The following ZC2HC1A variants were observed in gnomAD, a reference collection of about 807,000 sequenced individuals.
The protein encoded by ZC2HC1A is zinc finger C2HC-type containing 1A.
Under a neutral mutation model 40.7 loss-of-function variants are expected in ZC2HC1A, and 28 were observed. That is an observed-to-expected ratio of 0.69 (90% CI 0.51 to 0.94). The LOEUF is 0.94. Ranked by LOEUF, ZC2HC1A falls within the 40% of genes least tolerant of loss-of-function variation. ZC2HC1A has a pLI of 0.00. For missense variants in ZC2HC1A, 389 were observed against 386.3 expected, an observed-to-expected ratio of 1.01 and a Z score of -0.06; for synonymous variants, 129 against 129.2, an observed-to-expected ratio of 1.00 and a Z score of 0.01.
intron 5 of ZC2HC1A, 122 bp downstream of exon 5, chr8:78,689,495 G>A (rs747785278): frequency 2.4e-6 from 2 of 824,704 alleles, no homozygotes; most frequent in East Asian, 3.2e-5. Context: ...TAGATATATA[G>A]TTTTATATAT....
intron 3 of ZC2HC1A, among the ~76,000 whole-genome samples, chr8:78,685,724 A>G (rs1585992371): frequency 6.6e-6 from 1 of 152,148 alleles, no homozygotes; most frequent in Non-Finnish European, 1.5e-5. Context: ...AGTGAGGACT[A>G]TTTTTCATAT....
intron 1 of ZC2HC1A, among the ~76,000 whole-genome samples, chr8:78,668,990 C>G (rs1322043127): frequency 6.6e-6 from 1 of 152,126 alleles, no homozygotes; most frequent in Admixed American, 6.5e-5. Context: ...ATTATTAGAT[C>G]TTAGTACTGC....
chr8:78,667,110 T>G (rs1449562794), intron 1 of ZC2HC1A, among the ~76,000 whole-genome samples: 1 of 152,176 alleles, frequency 6.6e-6, no homozygotes, highest in Non-Finnish European at 1.5e-5. Context: ...AGCTTTTGAG[T>G]CTTGTGTATT....
chr8:78,715,526 C>T (rs1811074558), intron 8 of ZC2HC1A, among the ~76,000 whole-genome samples, 198 bp downstream of exon 8: 1 of 152,160 alleles, frequency 6.6e-6, no homozygotes, highest in Non-Finnish European at 1.5e-5. Context: ...ATTAACCCTT[C>T]TACATGCCAC....
chr8:78,666,748 T>C (rs1443039230), intron 1 of ZC2HC1A, among the ~76,000 whole-genome samples: 1 of 152,166 alleles, frequency 6.6e-6, no homozygotes, highest in East Asian at 1.9e-4. Flanking sequence ...ACCCGGAGGA[T>C]TTGATGACTT....
intron 4 of ZC2HC1A, among the ~76,000 whole-genome samples, chr8:78,688,569 AT>A (rs1364934653): frequency 6.6e-6 from 1 of 152,178 alleles, no homozygotes; most frequent in Admixed American, 6.5e-5. Context: ...TTATTTTACA[AT>A]GCTACAAAAT....
At position 78,672,355 on chromosome 8, in the gene ZC2HC1A, A is replaced by T. The variant is rs1053787445; in HGVS notation, c.17-3432A>T. Among the ~76,000 whole-genome samples, 3 of 152,158 alleles carry T rather than the reference A, an allele frequency of 2.0e-5. No homozygotes were observed. The East Asian group carries it at 5.8e-4, about 29-fold the overall frequency. On this transcript the variant is annotated intron_variant, in intron 1 of 8. Coordinates refer to ENST00000263849, the MANE Select transcript of ZC2HC1A (RefSeq NM_016010.3). ...TCAGAATATTTTAACCCCTTGGTCC[A>T]ATTAATCTTAATATAAGTATCATAT...
At chr8:78,716,105 G>GT (rs1417322399) in intron 8 of ZC2HC1A, among the ~76,000 whole-genome samples, 32 of 145,646 alleles carry the variant, frequency 2.2e-4, no homozygotes, top group African/African-American at 3.5e-4. Flanking sequence ...CTTTATTACT[G>GT]TTTTTTTTTG....
intron 8 of ZC2HC1A, among the ~76,000 whole-genome samples, chr8:78,716,931 CTTCCCCT>C (rs1811125761): frequency 1.3e-5 from 2 of 152,086 alleles, no homozygotes; most frequent in Admixed American, 6.5e-5. Context: ...GACATGCTTG[CTTCCCCT>C]TTGCCTTCTG....
chr8:78,694,285 TG>T (rs1187270301), intron 5 of ZC2HC1A, among the ~76,000 whole-genome samples: 6 of 70,154 alleles, frequency 8.6e-5, no homozygotes, highest in African/African-American at 1.1e-4. Context: ...ATATGTTCCT[TG>T]TTTTTTTTTT....
At position 78,667,896 on chromosome 8, in the gene ZC2HC1A, TCCAGCTTATGATGTTATAGGGC is replaced by T. The variant is rs1423655079; in HGVS notation, c.16+1749_16+1770del. Among the ~76,000 whole-genome samples, 5 of 152,042 alleles carry T rather than the reference TCCAGCTTATGATGTTATAGGGC, an allele frequency of 3.3e-5. No individual in the cohort carries two copies. The East Asian group carries it at 7.7e-4, about 23-fold the overall frequency. The stretch of plus-strand genomic sequence containing the variant: ...TGTATTTATAGGCATATTTTATGGG[TCCAGCTTATGATGTTATAGGGC>T]CCAGCTTATGATGTTAATAGTGCTT... On this transcript the variant is annotated intron_variant, in intron 1 of 8. Coordinates refer to ENST00000263849, the MANE Select transcript of ZC2HC1A (RefSeq NM_016010.3).
chr8:78,681,901 C>CTTTTTTTTT (rs56181953), intron 3 of ZC2HC1A, among the ~76,000 whole-genome samples: 77 of 126,412 alleles, frequency 6.1e-4, no homozygotes, highest in East Asian at 1.2e-3. Flanking sequence ...CTTTTTCTTT[C>CTTTTTTTTT]TTTTTTTTTT....
chr8:78,687,746 C>A (rs1398567427), intron 4 of ZC2HC1A, among the ~76,000 whole-genome samples: 34 of 64,082 alleles, frequency 5.3e-4, no homozygotes, highest in Non-Finnish European at 6.3e-4. Flanking sequence ...TTATGTAATA[C>A]ATTATATATA....
rs193182004 is a variant in ZC2HC1A at position 78,704,836 on chromosome 8, T to C, written c.704+6323T>C. Among the ~76,000 whole-genome samples, 3 of 152,330 alleles carry C rather than the reference T, an allele frequency of 2.0e-5. No homozygotes were observed. In the East Asian group the frequency reaches 5.8e-4, roughly 29 times the overall value. On this transcript the variant is annotated intron_variant, in intron 7 of 8. Transcript: ENST00000263849. ...TCTCTATTCTTGTCAGCGTGTCTTA[T>C]TTCAGAAAGCCAGTCTTCAAGCTCT...
At chr8:78,716,844 G>A (rs1382779826) in intron 8 of ZC2HC1A, among the ~76,000 whole-genome samples, 1 of 152,124 alleles carries the variant, frequency 6.6e-6, no homozygotes, top group Admixed American at 6.5e-5. Context: ...GTGATAGTGA[G>A]TTCTCAATGT....
chr8:78,690,162 C>G (rs1400902391), intron 5 of ZC2HC1A, among the ~76,000 whole-genome samples: 1 of 151,464 alleles, frequency 6.6e-6, no homozygotes, highest in African/African-American at 2.4e-5. Context: ...TGATTTATAT[C>G]CCTGTCCTTT....
chr8:78,667,894 G>T (rs1254976463), intron 1 of ZC2HC1A, among the ~76,000 whole-genome samples: 13 of 151,908 alleles, frequency 8.6e-5, no homozygotes, highest in African/African-American at 2.9e-4. Flanking sequence ...ATATTTTATG[G>T]GTCCAGCTTA....
intron 5 of ZC2HC1A, among the ~76,000 whole-genome samples, chr8:78,689,756 G>A (rs1810148432): frequency 6.6e-6 from 1 of 152,000 alleles, no homozygotes; most frequent in Admixed American, 6.6e-5. Flanking sequence ...CCCATCCTGT[G>A]ACTTGGCTTT....
chr8:78,691,838 T>TA (rs139184905), intron 5 of ZC2HC1A, among the ~76,000 whole-genome samples: 7,763 of 152,212 alleles, frequency 0.051, 273 homozygotes, highest in Middle Eastern at 0.082. Context: ...CTAGATATTA[T>TA]AGGCCTATCA....
Sources: allele counts gnomAD v4.1 joint callset (sites outside exome capture counted in the v4.1 genomes callset), GRCh38; gene constraint gnomAD v4.1.1; transcripts MANE v1.5; gene names NCBI Gene and HGNC (gene_info 2026-07-23, HGNC 2026-07-21).